Variants in MSH6 observed in about 807,000 individuals in gnomAD.
MSH6 encodes mutS homolog 6, also known as DNA mismatch repair protein Msh6.
MSH6 carries 85 observed loss-of-function variants against 119.1 expected under a neutral mutation model. That is an observed-to-expected ratio of 0.71 (90% CI 0.60 to 0.85). The LOEUF (loss-of-function observed/expected upper bound fraction) is 0.85. Among genes scored for constraint, MSH6 ranks in the 40% least tolerant of loss-of-function variants. MSH6 has a pLI of 0.00. For missense variants in MSH6, 2,163 were observed against 1,655.3 expected, an observed-to-expected ratio of 1.31 and a Z score of -5.32; for synonymous variants, 830 against 586.9, an observed-to-expected ratio of 1.41 and a Z score of -5.99.
At chr2:47,783,579 G>T (rs1005022968) in intron 1 of MSH6, 86 bp downstream of exon 1, 1 of 1,299,658 alleles carries the variant, frequency 7.7e-7, no homozygotes, top group Non-Finnish European at 1.0e-6. Context: ...ACAGGGGGTT[G>T]GGGGGGTGCA....
chr2:47,806,688 A>G (rs1344318545), intron 9 of MSH6, 37 bp downstream of exon 9: 1 of 1,591,694 alleles, frequency 6.3e-7, no homozygotes, highest in South Asian at 1.1e-5. Flanking sequence ...TAACTAACTG[A>G]CCTTAAGTTT....
intron 5 of MSH6, among the ~76,000 whole-genome samples, chr2:47,804,131 C>T (rs62139912): frequency 1.1e-4 from 16 of 151,668 alleles, no homozygotes; most frequent in African/African-American, 3.9e-4. Flanking sequence ...GACATGCTGG[C>T]CCTTTTTTTT....
Position 47,799,815 on chromosome 2 carries a change from G to A in MSH6, c.1832G>A (p.Ser611Asn), listed in dbSNP as rs1553413217. ...LSKETKTILK[S>N]SLSCSLQEGL... ...AAGGAAACTAAAACAATTCTAAAGA[G>A]TTCATTGTCCTGTTCTCTTCAGGAA... The change falls in exon 4 of 10, where the codon AGT (serine) becomes AAT (asparagine). Residue 611 changes from serine (S) to asparagine (N), a missense_variant. Ser to Asn is a conservative substitution (Grantham distance 46, BLOSUM62 1). Coordinates refer to ENST00000234420, the MANE Select transcript of MSH6 (RefSeq NM_000179.3). 6.2e-7 allele frequency: 1 copy of A among 1,614,194 alleles called. No individual in the cohort carries two copies. Among genetic ancestry groups the A allele is most frequent in the East Asian group, 2.2e-5 (1 of 44,884 alleles).
chr2:47,796,242 A>C (rs1464082899), intron 3 of MSH6, among the ~76,000 whole-genome samples, 179 bp downstream of exon 3: 6 of 152,228 alleles, frequency 3.9e-5, no homozygotes, highest in Non-Finnish European at 2.9e-5. Context: ...GTTACTTAGA[A>C]TCTCAACAGC....
At chr2:47,803,118 A>G (rs1669706510) in intron 4 of MSH6, among the ~76,000 whole-genome samples, 1 of 152,108 alleles carries the variant, frequency 6.6e-6, no homozygotes, top group Non-Finnish European at 1.5e-5. Flanking sequence ...AGGTTTCACC[A>G]TGTTGGTCAG....
chr2:47,786,265 A>G (rs1040149310), intron 1 of MSH6, among the ~76,000 whole-genome samples: 8 of 152,196 alleles, frequency 5.3e-5, no homozygotes, highest in Non-Finnish European at 8.8e-5. Context: ...CCAATCATGA[A>G]CAGTCTGATG....
At chr2:47,809,252 T>G, downstream of MSH6, 2 of 1,585,244 alleles carry the variant, frequency 1.3e-6, no homozygotes, top group South Asian at 2.3e-5. Context: ...TCTTGATTGT[T>G]CATTATTTTG....
chr2:47,803,296 G>A (rs546272696), intron 4 of MSH6, 124 bp from the exon 5 acceptor site: 34 of 1,285,396 alleles, frequency 2.6e-5, no homozygotes, highest in African/African-American at 1.2e-4. Context: ...GGGGGAGATC[G>A]TTGGACTGTA....
At chr2:47,791,930 G>A (rs1195107091) in intron 2 of MSH6, among the ~76,000 whole-genome samples, 4 of 151,686 alleles carry the variant, frequency 2.6e-5, no homozygotes, top group African/African-American at 9.7e-5. Flanking sequence ...CACTGCAACC[G>A]CCACCTCCCG....
rs1354832431 is a variant in MSH6, at chr2:47,806,884, G to C, written c.*24G>C. 5.2e-6 allele frequency: 8 copies of C among 1,537,738 alleles called. No individual in the cohort carries two copies. Among genetic ancestry groups the C allele is most frequent in the South Asian group, 1.1e-5 (1 of 89,270 alleles). On this transcript the variant is annotated 3_prime_UTR_variant, in exon 10 of 10. Coordinates refer to ENST00000234420, the MANE Select transcript of MSH6 (RefSeq NM_000179.3). ...AGACTGACTACATTGGAAGCTTTGA[G>C]TTGACTTCTGACAAAGGTGGTAAAT... is the stretch of plus-strand genomic sequence containing the variant.
intron 3 of MSH6, among the ~76,000 whole-genome samples, chr2:47,798,315 G>A (rs142125114): frequency 3.3e-5 from 5 of 152,298 alleles, no homozygotes; most frequent in African/African-American, 1.2e-4. Flanking sequence ...AACTAAAAAC[G>A]TGTTTAATAC....
At chr2:47,791,665 CTCTT>C (rs922405237) in intron 2 of MSH6, among the ~76,000 whole-genome samples, 20 of 149,594 alleles carry the variant, frequency 1.3e-4, no homozygotes, top group South Asian at 2.1e-4. Flanking sequence ...TGTACAAGTT[CTCTT>C]TCTTTCTTTT....
At chr2:47,797,695 C>G (rs561180097) in intron 3 of MSH6, 1 of 152,428 alleles carries the variant, frequency 6.6e-6, no homozygotes. Context: ...CCTTGAACTT[C>G]TGGGCTCAGC....
intron 2 of MSH6, among the ~76,000 whole-genome samples, chr2:47,794,328 A>G (rs3136303): frequency 0.074 from 11,296 of 151,746 alleles, 587 homozygotes; most frequent in Non-Finnish European, 0.11. Flanking sequence ...CTGGAGTGCA[A>G]TGGTGCAGTC....
In MSH6 at chr2:47,792,550, A is replaced by T. The variant is rs77248622; in HGVS notation, c.457+1427A>T. On this transcript the variant is annotated intron_variant, in intron 2 of 9. Coordinates refer to ENST00000234420, the MANE Select transcript of MSH6 (RefSeq NM_000179.3). ...AAAGAAATAGAGACACAGTTTTGCC[A>T]TGTTGCCCAAGCTGGTCTCAAACTC... 4.1e-3 allele frequency among the ~76,000 whole-genome samples: 617 copies of T among 152,268 alleles called. 2 individuals carry two copies. The highest frequency in any genetic ancestry group is 6.8e-3 in the South Asian group (33 of 4,822).
chr2:47,809,842 A>G (rs1341619033), downstream of MSH6: 1 of 586,358 alleles, frequency 1.7e-6, no homozygotes, highest in African/African-American at 1.9e-5. Context: ...AATAAAATGT[A>G]GATACCTATT....
intron 6 of MSH6, among the ~76,000 whole-genome samples, chr2:47,805,398 T>C (rs1376268368): frequency 6.6e-6 from 1 of 152,120 alleles, no homozygotes; most frequent in Admixed American, 6.6e-5. Flanking sequence ...GCTGGTCTCT[T>C]AACTCCTGAC....
chr2:47,805,011 A>C lies in MSH6; in HGVS notation c.3540A>C (p.Ser1180=), dbSNP rs777096746. Reference sequence around the variant, plus strand: ...GAGTGTTTACTAGACTTGGTGCCTCAGACAGAATAATGTCAGGTGAGTTTT... The same window carrying C: ...GAGTGTTTACTAGACTTGGTGCCTCCGACAGAATAATGTCAGGTGAGTTTT... ...IDRVFTRLGA[S]DRIMSGESTF... Residue 1180 remains serine (S), a synonymous_variant, in exon 6 of 10, where the codon TCA becomes TCC. Transcript: ENST00000234420. The C allele has an allele frequency of 1.2e-5, 19 of 1,612,388 alleles. No individual in the cohort carries two copies. In the African/African-American group the frequency reaches 1.9e-4, roughly 16 times the overall value.
chr2:47,809,439 A>C, downstream of MSH6: 1 of 689,776 alleles, frequency 1.4e-6, no homozygotes, highest in South Asian at 2.0e-5. Flanking sequence ...CTTGTATAAG[A>C]TACTCCAACC....
Sources: gnomAD v4.1 joint callset for allele counts (sites outside exome capture counted in the v4.1 genomes callset) on GRCh38, gnomAD v4.1.1 for gene constraint, MANE v1.5 for transcripts, NCBI Gene and HGNC (gene_info 2026-07-23, HGNC 2026-07-21) for gene names.